Variants in LRMDA observed in about 807,000 individuals in gnomAD.
The protein encoded by LRMDA is leucine rich melanocyte differentiation associated.
In LRMDA, 18 loss-of-function variants were observed where a neutral mutation model predicts 29.8. The observed-to-expected ratio is 0.60, with a 90% CI of 0.42 to 0.90. The LOEUF (loss-of-function observed/expected upper bound fraction) is 0.90. LRMDA is among the 40% of genes least tolerant of loss of function. LRMDA has a pLI of 0.00. For missense variants in LRMDA, 273 were observed against 273.9 expected (o/e 1.00, Z 0.02); for synonymous variants, 125 against 109.4 (o/e 1.14, Z -0.89).
At chr10:76,257,458 T>G (rs922063764) in intron 5 of LRMDA, among the ~76,000 whole-genome samples, 2 of 151,652 alleles carry the variant, frequency 1.3e-5, no homozygotes. Flanking sequence ...CTCAGCCTCC[T>G]GAGTAGCTGG....
intron 2 of LRMDA, among the ~76,000 whole-genome samples, chr10:75,916,549 T>C (rs1845938897): frequency 6.6e-6 from 1 of 152,066 alleles, no homozygotes; most frequent in Non-Finnish European, 1.5e-5. Context: ...AGAAAAACCG[T>C]CCCCACCCCA....
At chr10:76,231,168 GAAA>G (rs948846338) in intron 5 of LRMDA, among the ~76,000 whole-genome samples, 1 of 150,962 alleles carries the variant, frequency 6.6e-6, no homozygotes, top group Non-Finnish European at 1.5e-5. Flanking sequence ...AAAAGAAAAA[GAAA>G]AAAAAATCAA....
chr10:75,550,941 C>T (rs1840134126), intron 2 of LRMDA, among the ~76,000 whole-genome samples: 1 of 151,778 alleles, frequency 6.6e-6, no homozygotes, highest in Non-Finnish European at 1.5e-5. Flanking sequence ...CTTCCATTTT[C>T]TTCTTTCCAT....
intron 5 of LRMDA, among the ~76,000 whole-genome samples, chr10:76,164,787 A>G (rs1234823527): frequency 6.6e-6 from 1 of 152,176 alleles, no homozygotes; most frequent in African/African-American, 2.4e-5. Context: ...CCTTGAAAAA[A>G]ATTCCTTTTA....
chr10:75,963,303 C>T (rs995891096), intron 2 of LRMDA, among the ~76,000 whole-genome samples: 2 of 152,210 alleles, frequency 1.3e-5, no homozygotes, highest in Non-Finnish European at 2.9e-5. Flanking sequence ...AAATACACTT[C>T]TTTTCTAGCC....
At chr10:75,947,170 CCTAGTGTGGTA>C (rs1316435425) in intron 2 of LRMDA, among the ~76,000 whole-genome samples, 8 of 152,212 alleles carry the variant, frequency 5.3e-5, no homozygotes, top group African/African-American at 1.9e-4. Context: ...TGCCCTTAAT[CCTAGTGTGGTA>C]CTAGTTTTAA....
intron 5 of LRMDA, among the ~76,000 whole-genome samples, chr10:76,142,258 G>A (rs561781926): frequency 1.6e-4 from 24 of 152,054 alleles, no homozygotes; most frequent in South Asian, 1.5e-3. Flanking sequence ...TGGTTTATGT[G>A]TAACATTTAT....
intron 2 of LRMDA, among the ~76,000 whole-genome samples, chr10:75,915,266 G>C (rs1239941332): frequency 6.6e-6 from 1 of 151,486 alleles, no homozygotes; most frequent in East Asian, 1.9e-4. Flanking sequence ...CTCCTGAGTA[G>C]CTGGGATTAT....
At chr10:75,634,420 C>T (rs1841365228) in intron 2 of LRMDA, among the ~76,000 whole-genome samples, 1 of 152,160 alleles carries the variant, frequency 6.6e-6, no homozygotes, top group Non-Finnish European at 1.5e-5. Flanking sequence ...CCCCAAAATC[C>T]TTATCTCTGA....
intron 4 of LRMDA, among the ~76,000 whole-genome samples, chr10:76,054,281 G>A (rs1426444227): frequency 1.3e-5 from 2 of 152,128 alleles, no homozygotes; most frequent in Non-Finnish European, 2.9e-5. Flanking sequence ...TGGAAACCCA[G>A]GCTGGCCCAC....
At chr10:76,339,570 A>C (rs1391836765) in intron 6 of LRMDA, among the ~76,000 whole-genome samples, 4 of 152,048 alleles carry the variant, frequency 2.6e-5, no homozygotes, top group Non-Finnish European at 5.9e-5. Flanking sequence ...GGAAGGACTT[A>C]ATAAAATAAA....
chr10:76,408,620 A>C (rs1197560607), intron 6 of LRMDA, among the ~76,000 whole-genome samples: 1 of 152,192 alleles, frequency 6.6e-6, no homozygotes, highest in African/African-American at 2.4e-5. Context: ...ATGTTTGAGG[A>C]TCAAACTGTC....
intron 5 of LRMDA, among the ~76,000 whole-genome samples, chr10:76,231,751 T>A (rs1239617585): frequency 2.0e-5 from 3 of 152,234 alleles, no homozygotes; most frequent in Admixed American, 6.5e-5. Flanking sequence ...CTGTGGTAGT[T>A]ATTATCACAA....
intron 2 of LRMDA, among the ~76,000 whole-genome samples, chr10:75,737,088 T>TGCACACACACACATGC (rs1491479590): frequency 6.6e-6 from 1 of 151,534 alleles, no homozygotes; most frequent in African/African-American, 2.4e-5. Flanking sequence ...CGCACATGCA[T>TGCACACACACACATGC]GCACACACAC....
intron 2 of LRMDA, among the ~76,000 whole-genome samples, chr10:75,513,023 T>C (rs1160197991): frequency 1.3e-5 from 2 of 152,130 alleles, no homozygotes; most frequent in Non-Finnish European, 2.9e-5. Context: ...TCCCTCCCTG[T>C]AGAGAGAATC....
chr10:75,981,594 C>T (rs1219508365), intron 2 of LRMDA, among the ~76,000 whole-genome samples: 1 of 152,262 alleles, frequency 6.6e-6, no homozygotes, highest in East Asian at 1.9e-4. Flanking sequence ...TGGCTCATGC[C>T]TGTAATCCCA....
intron 2 of LRMDA, among the ~76,000 whole-genome samples, chr10:75,893,325 G>C (rs957845019): frequency 1.3e-5 from 2 of 152,136 alleles, no homozygotes; most frequent in Non-Finnish European, 2.9e-5. Flanking sequence ...AGATAGTCAA[G>C]GCTAAAACCC....
chr10:76,044,727 C>G (rs1168234500), intron 3 of LRMDA, among the ~76,000 whole-genome samples: 1 of 152,138 alleles, frequency 6.6e-6, no homozygotes, highest in East Asian at 1.9e-4. Flanking sequence ...CCTCCTCATT[C>G]TAGTGTTCCT....
intron 2 of LRMDA, among the ~76,000 whole-genome samples, chr10:75,942,802 A>C (rs936389213): frequency 6.6e-6 from 1 of 152,134 alleles, no homozygotes. Context: ...AACATAGTTC[A>C]TGGCTGGCAA....
Sources: allele counts gnomAD v4.1 joint callset (sites outside exome capture counted in the v4.1 genomes callset), GRCh38; gene constraint gnomAD v4.1.1; transcripts MANE v1.5; gene names NCBI Gene and HGNC (gene_info 2026-07-23, HGNC 2026-07-21).